Variants in DMD observed in about 807,000 individuals in gnomAD.
The protein encoded by DMD is dystrophin.
In DMD, 63 loss-of-function variants were observed where a neutral mutation model predicts 330.1. That is an observed-to-expected ratio of 0.19 (90% CI 0.16 to 0.24). The LOEUF is 0.24. Among genes scored for constraint, DMD ranks in the 10% least tolerant of loss-of-function variants. DMD has a pLI of 1.00. For synonymous variants in DMD, 1,223 were observed against 959.8 expected, an observed-to-expected ratio of 1.27 and a Z score of -5.07; for missense variants, 3,344 against 2,684.1, an observed-to-expected ratio of 1.25 and a Z score of -5.43.
intron 54 of DMD, among the ~76,000 whole-genome samples, chrX:31,631,857 G>A (rs2079150212): frequency 9.0e-6 from 1 of 111,603 alleles, no homozygotes; most frequent in Non-Finnish European, 1.9e-5. Flanking sequence ...TGAACTTTTG[G>A]TTGCCCTTTA....
chrX:32,874,058 G>C (rs1271699686), intron 2 of DMD, among the ~76,000 whole-genome samples: 4 of 112,078 alleles, frequency 3.6e-5, no homozygotes, highest in Non-Finnish European at 5.6e-5. Flanking sequence ...GGTGCTCCTA[G>C]ATTGCAGACC....
chrX:32,834,198 T>G (rs983270075), intron 4 of DMD, among the ~76,000 whole-genome samples: 3 of 111,614 alleles, frequency 2.7e-5, no homozygotes, highest in Admixed American at 9.6e-5. Context: ...TTCTGCAAAC[T>G]TGAGAATTAA....
chrX:32,900,331 T>G (rs1006136154), intron 2 of DMD, among the ~76,000 whole-genome samples: 2 of 110,753 alleles, frequency 1.8e-5, no homozygotes, highest in Non-Finnish European at 3.8e-5. Flanking sequence ...TCTAGAGTAT[T>G]AGTCATATTC....
At chrX:32,755,528 C>A (rs186737693) in intron 7 of DMD, among the ~76,000 whole-genome samples, 11 of 111,672 alleles carry the variant, frequency 9.9e-5, no homozygotes, top group Non-Finnish European at 1.7e-4. Context: ...AAGAGCAGCC[C>A]AACACAGGAA....
chrX:32,188,004 G>T, intron 44 of DMD, among the ~76,000 whole-genome samples: 1 of 110,852 alleles, frequency 9.0e-6, no homozygotes, highest in East Asian at 2.8e-4. Context: ...TAATGATATA[G>T]AATTTTTTAT....
At chrX:31,148,018 GT>G (rs139491435) in intron 74 of DMD, among the ~76,000 whole-genome samples, 1 of 111,063 alleles carries the variant, frequency 9.0e-6, no homozygotes, top group Admixed American at 9.6e-5. Flanking sequence ...TTCTTCAAAA[GT>G]TTTTTGAAGA....
At chrX:32,522,338 T>G (rs1252791350) in intron 17 of DMD, among the ~76,000 whole-genome samples, 1 of 111,934 alleles carries the variant, frequency 8.9e-6, no homozygotes, top group African/African-American at 3.2e-5. Flanking sequence ...TATGTACTAC[T>G]GGAAAAATTA....
chrX:32,675,662 T>A (rs5972647), intron 9 of DMD, among the ~76,000 whole-genome samples: 7,028 of 111,155 alleles, frequency 0.063, 558 homozygotes, highest in African/African-American at 0.22. Context: ...GTTAATAGAA[T>A]CAATTCTGGA....
intron 43 of DMD, among the ~76,000 whole-genome samples, chrX:32,247,892 AGTCTATGAAT>A (rs1167014748): frequency 6.2e-5 from 7 of 112,042 alleles, no homozygotes; most frequent in Non-Finnish European, 5.6e-5. Context: ...ATGAATAATG[AGTCTATGAAT>A]GACCAGTTTG....
At chrX:31,935,859 T>C (rs1373110705) in intron 45 of DMD, among the ~76,000 whole-genome samples, 1 of 111,385 alleles carries the variant, frequency 9.0e-6, no homozygotes, top group African/African-American at 3.3e-5. Flanking sequence ...CCCTCAAGTT[T>C]AGAAAATTCT....
chrX:32,398,272 C>T (rs755770539), intron 30 of DMD, among the ~76,000 whole-genome samples: 25 of 99,452 alleles, frequency 2.5e-4, no homozygotes, highest in South Asian at 1.2e-3. Flanking sequence ...AACCCCCCCC[C>T]CCAAGTAGAG....
At chrX:31,499,489 C>CTTTTTTTTTTTTTTTTTTTTTTTTTT (rs774151183) in intron 56 of DMD, among the ~76,000 whole-genome samples, 1 of 83,691 alleles carries the variant, frequency 1.2e-5, no homozygotes, top group African/African-American at 4.6e-5. Flanking sequence ...GAATTCAGTT[C>CTTTTTTTTTTTTTTTTTTTTTTTTTT]TTTTTTTTTT....
rs199781379 is a variant in DMD at position 31,571,251 on chromosome X, AGG to A, written c.8217+56420_8217+56421del. ...ATGAGTTACATGATAAAAGATTTAAAGGGGTGTGTGTGTGTGTGTGTGTGTGT... is the reference window on the plus strand; with the variant it reads ...ATGAGTTACATGATAAAAGATTTAAAGGTGTGTGTGTGTGTGTGTGTGTGT... On this transcript the variant is annotated intron_variant, in intron 55 of 78. Coordinates refer to ENST00000357033, the MANE Select transcript of DMD (RefSeq NM_004006.3). 3.0e-3 allele frequency among the ~76,000 whole-genome samples: 192 copies of A among 63,993 alleles called. 1 individual carries two copies. Among genetic ancestry groups the A allele is most frequent in the African/African-American group, 0.016 (182 of 11,708 alleles). The allele number at this position is 63,993 out of a possible 115,157, so 55.6% of individuals were successfully genotyped here. A position where few individuals can be genotyped will look rare whatever the true frequency, so the allele number is the denominator to read the frequency against.
At chrX:32,598,187 A>C (rs2055786409) in intron 12 of DMD, among the ~76,000 whole-genome samples, 1 of 112,366 alleles carries the variant, frequency 8.9e-6, no homozygotes, top group Non-Finnish European at 1.9e-5. Flanking sequence ...TACATTTTCA[A>C]GTGAAGCAAT....
chrX:32,820,709 T>G (rs2078170265), intron 5 of DMD, among the ~76,000 whole-genome samples: 1 of 111,738 alleles, frequency 8.9e-6, no homozygotes, highest in South Asian at 3.8e-4. Context: ...AAGCGGGATC[T>G]GCAAACTGGA....
intron 1 of DMD, among the ~76,000 whole-genome samples, chrX:33,057,115 T>C (rs1171710242): frequency 8.9e-6 from 1 of 112,072 alleles, no homozygotes; most frequent in Non-Finnish European, 1.9e-5. Context: ...TCTGGGAAAT[T>C]CCATATATAC....
chrX:31,948,792 C>T (rs1398283259), intron 45 of DMD, among the ~76,000 whole-genome samples: 1 of 111,321 alleles, frequency 9.0e-6, no homozygotes, highest in Non-Finnish European at 1.9e-5. Flanking sequence ...AATAAGCTAC[C>T]CAATAATAAG....
intron 9 of DMD, among the ~76,000 whole-genome samples, chrX:32,651,060 C>T (rs2060117239): frequency 1.8e-5 from 2 of 111,469 alleles, no homozygotes; most frequent in Non-Finnish European, 1.9e-5. Flanking sequence ...GTCTTTATCC[C>T]AATATGATCA....
chrX:32,730,509 G>C (rs1291270007), intron 7 of DMD, among the ~76,000 whole-genome samples: 6 of 111,974 alleles, frequency 5.4e-5, no homozygotes, highest in Non-Finnish European at 7.5e-5. Context: ...GAGAGCCATA[G>C]GACAGAAGAG....
Sources: allele counts gnomAD v4.1 joint callset (sites outside exome capture counted in the v4.1 genomes callset), GRCh38; gene constraint gnomAD v4.1.1; transcripts MANE v1.5; gene names NCBI Gene and HGNC (gene_info 2026-07-23, HGNC 2026-07-21).